PAK3: variants seen among roughly 807,000 people sequenced by gnomAD.
PAK3 encodes the protein serine/threonine-protein kinase PAK 3.
In PAK3, 4 loss-of-function variants were observed where a neutral mutation model predicts 41.0. The ratio of observed to expected loss-of-function variants is 0.10; its 90% CI spans 0.05 to 0.22. The LOEUF is 0.22. Ranked by LOEUF, PAK3 falls within the 10% of genes least tolerant of loss-of-function variation. PAK3 has a pLI of 1.00. For synonymous variants in PAK3, 146 were observed against 139.6 expected (o/e 1.05, Z -0.32); for missense variants, 205 against 409.9 (o/e 0.50, Z 4.32).
In PAK3 at chrX:111,160,182, A is replaced by G. The variant is rs751244775; in HGVS notation, c.469-2733A>G. On this transcript the variant is annotated intron_variant, in intron 8 of 17. Coordinates refer to ENST00000372007, the MANE Select transcript of PAK3 (RefSeq NM_002578.5). ...AAAAACAAAACAAAACAAAACACCT[A>G]TAATAGCACTGTCCAACAAATATAT... Among the ~76,000 whole-genome samples, 4 of 111,968 alleles carry G rather than the reference A, an allele frequency of 3.6e-5. No homozygotes were observed. In the East Asian group the frequency reaches 1.1e-3, roughly 31 times the overall value.
intron 8 of PAK3, among the ~76,000 whole-genome samples, chrX:111,161,035 C>T (rs2094178668): frequency 9.0e-6 from 1 of 111,453 alleles, no homozygotes; most frequent in East Asian, 2.8e-4. Flanking sequence ...CCTGAGGAAT[C>T]ACCACACTGA....
intron 1 of PAK3, among the ~76,000 whole-genome samples, chrX:111,021,068 A>G (rs2092171793): frequency 9.0e-6 from 1 of 111,543 alleles, no homozygotes; most frequent in African/African-American, 3.3e-5. Context: ...GTCTTTCTCT[A>G]CCTGCCCCCG....
At chrX:111,042,493 T>C (rs945758809) in intron 1 of PAK3, among the ~76,000 whole-genome samples, 2 of 111,689 alleles carry the variant, frequency 1.8e-5, no homozygotes, top group East Asian at 5.7e-4. Flanking sequence ...TCTTCAGAGT[T>C]GGGGCCCTGT....
intron 8 of PAK3, among the ~76,000 whole-genome samples, chrX:111,157,309 A>G (rs186535788): frequency 8.9e-6 from 1 of 111,808 alleles, no homozygotes; most frequent in Admixed American, 9.5e-5. Flanking sequence ...AAGCTCAGAG[A>G]AAAGGAAATT....
intron 1 of PAK3, among the ~76,000 whole-genome samples, chrX:111,007,308 A>G (rs1441321984): frequency 9.0e-6 from 1 of 111,320 alleles, no homozygotes; most frequent in Non-Finnish European, 1.9e-5. Flanking sequence ...CACAGAACAG[A>G]ACAGAGCACC....
At chrX:110,998,854 T>C (rs750428667) in intron 1 of PAK3, among the ~76,000 whole-genome samples, 19 of 112,406 alleles carry the variant, frequency 1.7e-4, no homozygotes, top group South Asian at 1.5e-3. Context: ...CAAGAAATAC[T>C]AGCAGGATAG....
At position 111,001,531 on chromosome X, in the gene PAK3, C is replaced by T. The variant is rs187035911; in HGVS notation, c.-28+56903C>T. ...TGAGAAGTGTAATTGGTAGCACAAA[C>T]GGGTGGGCTGATTTTTCTTGGACTA... is the stretch of plus-strand genomic sequence containing the variant. On this transcript the variant is annotated intron_variant, in intron 1 of 14. Coordinates refer to the PAK3 transcript ENST00000425146. Among the ~76,000 whole-genome samples the T allele has an allele frequency of 8.9e-5, 10 of 111,978 alleles. No homozygotes were observed. The East Asian group carries it at 1.7e-3, about 19-fold the overall frequency.
chrX:111,078,199 G>A (rs1268849026), intron 1 of PAK3, among the ~76,000 whole-genome samples: 1 of 110,734 alleles, frequency 9.0e-6, no homozygotes, highest in Non-Finnish European at 1.9e-5. Context: ...CCTATGTAAG[G>A]CACACCTTCT....
At chrX:111,091,028 C>G (rs1569311853) in intron 1 of PAK3, among the ~76,000 whole-genome samples, 1 of 111,866 alleles carries the variant, frequency 8.9e-6, no homozygotes. Flanking sequence ...CTCAATTAAA[C>G]AATGTGGTTT....
chrX:111,087,638 A>G (rs2092898484), intron 1 of PAK3, among the ~76,000 whole-genome samples: 1 of 109,295 alleles, frequency 9.1e-6, no homozygotes, highest in Non-Finnish European at 1.9e-5. Flanking sequence ...GAAGATTAAT[A>G]CAGCTTCAGT....
At chrX:111,041,790 A>G (rs7060529) in intron 1 of PAK3, among the ~76,000 whole-genome samples, 3,825 of 110,915 alleles carry the variant, frequency 0.034, 140 homozygotes, top group African/African-American at 0.12. Context: ...AGTTTCTTCA[A>G]TAAACTTTAT....
chrX:111,000,413 T>C lies in PAK3; in HGVS notation c.-28+55785T>C, dbSNP rs766423681. On this transcript the variant is annotated intron_variant, in intron 1 of 14. Coordinates refer to the PAK3 transcript ENST00000425146. ...TAAGAAAAAAGCAGACAACACCTGATTGAGGGAAACTCTACAAAATAGTTG... is the reference window on the plus strand; with the variant it reads ...TAAGAAAAAAGCAGACAACACCTGACTGAGGGAAACTCTACAAAATAGTTG... 1.7e-4 allele frequency among the ~76,000 whole-genome samples: 19 copies of C among 112,296 alleles called. No homozygotes were observed. The South Asian group carries it at 1.9e-3, about 11-fold the overall frequency.
intron 1 of PAK3, among the ~76,000 whole-genome samples, chrX:111,064,952 C>A (rs890296525): frequency 8.9e-6 from 1 of 112,320 alleles, no homozygotes; most frequent in African/African-American, 3.2e-5. Context: ...TTGGTGGAGT[C>A]TTTAAGGTTG....
At chrX:110,956,263 G>T (rs1416395949) in intron 1 of PAK3, among the ~76,000 whole-genome samples, 1 of 111,410 alleles carries the variant, frequency 9.0e-6, no homozygotes, top group Non-Finnish European at 1.9e-5. Context: ...CTACGTTTTT[G>T]GGTTTCTTGA....
intron 1 of PAK3, among the ~76,000 whole-genome samples, chrX:111,066,165 C>T (rs1341933870): frequency 9.0e-6 from 1 of 111,662 alleles, no homozygotes; most frequent in Non-Finnish European, 1.9e-5. Flanking sequence ...TGAGATCTTT[C>T]TAACTTTTTT....
intron 5 of PAK3, among the ~76,000 whole-genome samples, chrX:111,127,785 C>G (rs1041245995): frequency 2.7e-5 from 3 of 111,489 alleles, no homozygotes; most frequent in Non-Finnish European, 3.8e-5. Context: ...TTCTGCCAGG[C>G]TCCATTTCGT....
chrX:111,105,103 A>G (rs1380787074), intron 4 of PAK3, among the ~76,000 whole-genome samples: 2 of 111,534 alleles, frequency 1.8e-5, no homozygotes, highest in Non-Finnish European at 3.8e-5. Flanking sequence ...TTATGCCCTC[A>G]CCCTCACACA....
At chrX:111,196,854 CTTTTTTTT>C (rs375476309) in intron 16 of PAK3, among the ~76,000 whole-genome samples, 2 of 79,238 alleles carry the variant, frequency 2.5e-5, no homozygotes, top group East Asian at 4.1e-4. Flanking sequence ...TTCTTTCTTT[CTTTTTTTT>C]TTTTTTTTTT....
intron 10 of PAK3, among the ~76,000 whole-genome samples, chrX:111,166,008 A>G (rs1372734805): frequency 9.0e-6 from 1 of 110,649 alleles, no homozygotes; most frequent in Non-Finnish European, 1.9e-5. Flanking sequence ...ATGCTTGGGC[A>G]TAGAGAGAGT....
Sources: allele counts gnomAD v4.1 joint callset (sites outside exome capture counted in the v4.1 genomes callset), GRCh38; gene constraint gnomAD v4.1.1; transcripts MANE v1.5; gene names NCBI Gene and HGNC (gene_info 2026-07-23, HGNC 2026-07-21).